Variants in PCSK6 observed in about 807,000 individuals in gnomAD.
PCSK6 encodes the protein proprotein convertase subtilisin/kexin type 6, also known as paired basic amino acid cleaving enzyme 4.
PCSK6 carries 85 observed loss-of-function variants against 123.3 expected under a neutral mutation model. That is an observed-to-expected ratio of 0.69 (90% confidence interval 0.58 to 0.83). The LOEUF (loss-of-function observed/expected upper bound fraction) is 0.83. PCSK6 is among the 40% of genes least tolerant of loss of function. The pLI is 0.00. For synonymous variants in PCSK6, 508 were observed against 516.0 expected (o/e 0.98, Z 0.21); for missense variants, 1,191 against 1,282.3 (o/e 0.93, Z 1.09).
intron 13 of PCSK6, among the ~76,000 whole-genome samples, chr15:101,335,141 G>T (rs1218908255): frequency 6.6e-6 from 1 of 152,126 alleles, no homozygotes; most frequent in East Asian, 1.9e-4. Flanking sequence ...TGTATTTTTG[G>T]TAGAGATAGA....
chr15:101,384,222 C>T, intron 10 of PCSK6, 100 bp downstream of exon 10: 1 of 1,534,092 alleles, frequency 6.5e-7, no homozygotes, highest in Non-Finnish European at 8.8e-7. Flanking sequence ...TTAATAATAA[C>T]AACTAATGCT....
rs139468774 is a variant in PCSK6 at position 101,313,372 on chromosome 15, G to A, written c.2699+4C>T. On this transcript the variant is annotated splice_donor_region_variant and intron_variant, in intron 20 of 21. Transcript: ENST00000611716. ...CCTGCCGTTCCCCGCCAGGAGGACC[G>A]TACCTTCGACACACTTTGTGGGGCA... 3.8e-4 allele frequency: 607 copies of A among 1,612,688 alleles called. 3 individuals carry two copies. In the African/African-American group the frequency reaches 6.8e-3, roughly 18 times the overall value.
At chr15:101,353,447 T>C (rs117383176) in intron 13 of PCSK6, among the ~76,000 whole-genome samples, 4,710 of 152,146 alleles carry the variant, frequency 0.031, 118 homozygotes, top group Non-Finnish European at 0.044. Flanking sequence ...CCATGGACCA[T>C]GGACCGGTAG....
At chr15:101,443,518 C>A in intron 2 of PCSK6, 38 bp downstream of exon 2, 1 of 1,437,750 alleles carries the variant, frequency 7.0e-7, no homozygotes, top group Non-Finnish European at 9.8e-7. Context: ...CAGACCCAAA[C>A]CCTCCAGCCC....
At chr15:101,347,300 A>G (rs2040760298) in intron 13 of PCSK6, 2 of 1,233,812 alleles carry the variant, frequency 1.6e-6, no homozygotes, top group Non-Finnish European at 2.0e-6. Flanking sequence ...AGAGATGTCA[A>G]TAAAACACAG....
intron 1 of PCSK6, among the ~76,000 whole-genome samples, chr15:101,464,461 T>C (rs1008388699): frequency 6.6e-6 from 1 of 152,146 alleles, no homozygotes; most frequent in East Asian, 1.9e-4. Flanking sequence ...CTAGAATTAA[T>C]AAAAACCAAT....
intron 4 of PCSK6, 61 bp downstream of exon 4, chr15:101,431,259 A>G: frequency 1.3e-6 from 2 of 1,576,744 alleles, no homozygotes; most frequent in Non-Finnish European, 1.7e-6. Context: ...TTAAACTTGC[A>G]TTTACTTAAT....
intron 2 of PCSK6, among the ~76,000 whole-genome samples, chr15:101,434,493 C>A (rs187494339): frequency 6.6e-6 from 1 of 152,368 alleles, no homozygotes; most frequent in Non-Finnish European, 1.5e-5. Flanking sequence ...GATGGAAGAG[C>A]CTGGGCATCC....
intron 1 of PCSK6, among the ~76,000 whole-genome samples, chr15:101,448,802 T>C (rs1387630484): frequency 6.6e-6 from 1 of 152,234 alleles, no homozygotes; most frequent in Non-Finnish European, 1.5e-5. Context: ...ACCTTGGTCC[T>C]TGTCCTTTGC....
chr15:101,464,179 G>A (rs1314378749), intron 1 of PCSK6, among the ~76,000 whole-genome samples: 1 of 152,160 alleles, frequency 6.6e-6, no homozygotes, highest in Non-Finnish European at 1.5e-5. Flanking sequence ...TGCCTTGCAA[G>A]CTGGTGCCCT....
intron 18 of PCSK6, among the ~76,000 whole-genome samples, chr15:101,322,145 A>AG (rs1404535136): frequency 6.6e-6 from 1 of 152,132 alleles, no homozygotes; most frequent in East Asian, 1.9e-4. Context: ...GAGAAGACCG[A>AG]GGGATGCAGA....
At chr15:101,367,822 G>T (rs2101173) in intron 12 of PCSK6, among the ~76,000 whole-genome samples, 61,182 of 151,354 alleles carry the variant, frequency 0.4, 13,574 homozygotes, top group East Asian at 0.58. Context: ...GGTAGTTTTT[G>T]TTTGTTTGTT....
chr15:101,331,777 C>A (rs1005083117), intron 14 of PCSK6, 75 bp downstream of exon 14: 3 of 1,602,452 alleles, frequency 1.9e-6, no homozygotes, highest in African/African-American at 2.7e-5. Flanking sequence ...AGGAGCAGCC[C>A]TACATTTTAA....
chr15:101,396,879 A>T (rs2141568076), intron 7 of PCSK6, among the ~76,000 whole-genome samples: 1 of 152,100 alleles, frequency 6.6e-6, no homozygotes, highest in African/African-American at 2.4e-5. Flanking sequence ...TCTCACATTT[A>T]GTGTCTGGGT....
At chr15:101,461,526 G>A (rs2057339865) in intron 1 of PCSK6, among the ~76,000 whole-genome samples, 1 of 152,080 alleles carries the variant, frequency 6.6e-6, no homozygotes, top group African/African-American at 2.4e-5. Context: ...CCTAAAAACA[G>A]ACAAGAACAG....
chr15:101,344,101 ATTTGGT>A (rs1252179601), intron 13 of PCSK6, among the ~76,000 whole-genome samples: 4 of 152,070 alleles, frequency 2.6e-5, no homozygotes, highest in Non-Finnish European at 5.9e-5. Context: ...TAAATAAAAA[ATTTGGT>A]GTATTATTCT....
intron 1 of PCSK6, among the ~76,000 whole-genome samples, chr15:101,455,017 C>G (rs1037444779): frequency 6.7e-5 from 10 of 149,988 alleles, no homozygotes; most frequent in African/African-American, 2.5e-4. Context: ...GAGTTTCAGT[C>G]TGAGAAAATA....
intron 2 of PCSK6, 24 bp from the exon 3 acceptor site, chr15:101,432,124 G>A (rs766222199): frequency 3.8e-6 from 6 of 1,565,192 alleles, no homozygotes; most frequent in Middle Eastern, 1.7e-4. Flanking sequence ...TGCAATTACT[G>A]TTTATATTAG....
At position 101,398,357 on chromosome 15, in the gene PCSK6, G is replaced by A. The variant is rs1422981067; in HGVS notation, c.996+47C>T. The stretch of plus-strand genomic sequence containing the variant: ...TCTGATACTTGTTAAAATGTTTACT[G>A]TCACCCTTGTCCCAGAGCGCTCCCC... On this transcript the variant is annotated intron_variant, in intron 7 of 21. Transcript: ENST00000611716. The surrounding 1 kb of genome is among the most constrained non-coding windows in gnomAD (Gnocchi z 4.6). 2 of 1,552,504 alleles carry A rather than the reference G, an allele frequency of 1.3e-6. No homozygotes were observed. The highest frequency in any genetic ancestry group is 2.7e-5 in the African/African-American group (2 of 73,714).
Sources: allele counts gnomAD v4.1 joint callset (sites outside exome capture counted in the v4.1 genomes callset), GRCh38; gene constraint gnomAD v4.1.1; non-coding constraint Gnocchi (gnomAD v3.1); transcripts MANE v1.5; gene names NCBI Gene and HGNC (gene_info 2026-07-23, HGNC 2026-07-21).